The following C10orf90 variants were observed in gnomAD, a reference collection of about 807,000 sequenced individuals.
C10orf90 encodes (E2-independent) E3 ubiquitin-conjugating enzyme FATS.
C10orf90 carries 56 observed loss-of-function variants against 62.5 expected under a neutral mutation model. That is an observed-to-expected ratio of 0.90 (90% CI 0.72 to 1.12). The LOEUF (loss-of-function observed/expected upper bound fraction) is 1.12. Ranked by LOEUF, C10orf90 falls within the 50% of genes most tolerant of loss-of-function variation. The pLI, the probability that C10orf90 is intolerant of heterozygous loss-of-function variation, is 0.00. For missense variants in C10orf90, 970 were observed against 880.4 expected (o/e 1.10, Z -1.29); for synonymous variants, 386 against 340.4 (o/e 1.13, Z -1.47).
chr10:126,488,609 G>C (rs747729267), intron 4 of C10orf90, among the ~76,000 whole-genome samples: 3 of 152,136 alleles, frequency 2.0e-5, no homozygotes, highest in East Asian at 3.9e-4. Context: ...GGACAAACCT[G>C]TAGCTGGACT....
rs1204134327 is a variant in C10orf90 at position 126,670,599 on chromosome 10, C to T, written c.-119G>A. 5.5e-6 allele frequency: 2 copies of T among 366,576 alleles called. No homozygotes were observed. The highest frequency in any genetic ancestry group is 1.1e-5 in the Non-Finnish European group (2 of 187,014). 22.7% of individuals were successfully genotyped at this position (366,576 alleles called of 1,614,324 possible). ...GCAGTGCCCCAGCTCGGACCTGTCC[C>T]AGTGTTTTCCAACTCCAGAGCTAGT... On this transcript the variant is annotated 5_prime_UTR_variant, in exon 1 of 10. Coordinates refer to ENST00000488181, the MANE Select transcript of C10orf90 (RefSeq NM_001350921.2).
At chr10:126,520,929 A>T (rs756280021) in intron 2 of C10orf90, 5 of 174,122 alleles carry the variant, frequency 2.9e-5, no homozygotes, top group Non-Finnish European at 6.0e-5. Context: ...ACCCTACTCC[A>T]GTGTGACCTC....
chr10:126,538,325 T>C (rs149158310), intron 2 of C10orf90, among the ~76,000 whole-genome samples: 1 of 152,118 alleles, frequency 6.6e-6, no homozygotes, highest in Non-Finnish European at 1.5e-5. Context: ...CAATTCAAGA[T>C]GAGATTTGGG....
intron 4 of C10orf90, among the ~76,000 whole-genome samples, chr10:126,480,328 G>C (rs1861103908): frequency 6.6e-6 from 1 of 152,220 alleles, no homozygotes; most frequent in South Asian, 2.1e-4. Flanking sequence ...ATAAAGCTCT[G>C]TTCTGCTTTG....
intron 2 of C10orf90, among the ~76,000 whole-genome samples, chr10:126,537,800 G>C (rs1420365521): frequency 6.6e-6 from 1 of 152,148 alleles, no homozygotes; most frequent in Non-Finnish European, 1.5e-5. Flanking sequence ...GGGTTGAATT[G>C]CATCCCCTCA....
intron 2 of C10orf90, among the ~76,000 whole-genome samples, chr10:126,557,476 T>C (rs1346097336): frequency 3.1e-4 from 13 of 42,498 alleles, no homozygotes; most frequent in Admixed American, 2.6e-3. Context: ...CGAGACTCCA[T>C]CTCAAAAAAA....
chr10:126,572,296 A>G (rs184953584), intron 2 of C10orf90, among the ~76,000 whole-genome samples: 17 of 152,294 alleles, frequency 1.1e-4, no homozygotes, highest in Admixed American at 9.8e-4. Flanking sequence ...GTCCTGATCC[A>G]GATCCCAAGA....
rs571804828 is a variant in C10orf90 at position 126,553,876 on chromosome 10, T to A, written c.314-39937A>T. On this transcript the variant is annotated intron_variant, in intron 2 of 9. Transcript: ENST00000488181. ...TGACAATATCAAGTTTTAGAAAGGA[T>A]GTAGAAAAACCGCAACGCCCATACA... 2.0e-4 allele frequency among the ~76,000 whole-genome samples: 30 copies of A among 152,186 alleles called. No individual in the cohort carries two copies. The South Asian group carries it at 5.8e-3, about 29-fold the overall frequency.
At chr10:126,603,700 A>T (rs1845247056) in intron 2 of C10orf90, among the ~76,000 whole-genome samples, 1 of 152,128 alleles carries the variant, frequency 6.6e-6, no homozygotes, top group Admixed American at 6.5e-5. Flanking sequence ...GATAATTCAT[A>T]TAAGGTGCTG....
At chr10:126,522,902 C>A (rs956273171) in intron 2 of C10orf90, 3 of 152,144 alleles carry the variant, frequency 2.0e-5, no homozygotes, top group African/African-American at 7.2e-5. Flanking sequence ...AACCTCCTGG[C>A]CTCTGTTTGT....
At chr10:126,584,062 G>A (rs2134019122) in intron 2 of C10orf90, among the ~76,000 whole-genome samples, 1 of 152,302 alleles carries the variant, frequency 6.6e-6, no homozygotes, top group African/African-American at 2.4e-5. Context: ...CAGGGCTGCA[G>A]TGAGCTGTGA....
chr10:126,592,540 A>T (rs1408910735), intron 2 of C10orf90, among the ~76,000 whole-genome samples: 3 of 152,196 alleles, frequency 2.0e-5, no homozygotes, highest in Non-Finnish European at 4.4e-5. Flanking sequence ...ACAAAAATTA[A>T]CTCAAGTTGG....
chr10:126,454,134 G>T (rs1859380174), intron 7 of C10orf90, among the ~76,000 whole-genome samples: 1 of 152,030 alleles, frequency 6.6e-6, no homozygotes, highest in African/African-American at 2.4e-5. Context: ...CCTGCAATCT[G>T]CAGATGTGGC....
chr10:126,493,588 C>T (rs116506661), intron 4 of C10orf90, among the ~76,000 whole-genome samples: 2,544 of 97,962 alleles, frequency 0.026, 69 homozygotes, highest in African/African-American at 0.12. Context: ...AACTTCTGAC[C>T]GCAGGTGATC....
At chr10:126,643,099 A>C (rs1245880522) in intron 2 of C10orf90, among the ~76,000 whole-genome samples, 1 of 152,240 alleles carries the variant, frequency 6.6e-6, no homozygotes, top group Non-Finnish European at 1.5e-5. Flanking sequence ...TGGATCAGAT[A>C]GTGTATTCCA....
At chr10:126,442,291 G>A (rs1260225789) in intron 7 of C10orf90, among the ~76,000 whole-genome samples, 2 of 150,732 alleles carry the variant, frequency 1.3e-5, no homozygotes, top group African/African-American at 2.4e-5. Flanking sequence ...TAAAGCAACA[G>A]CAGTTAAAAA....
chr10:126,576,755 G>GT (rs1844633085), intron 2 of C10orf90, among the ~76,000 whole-genome samples: 2 of 61,150 alleles, frequency 3.3e-5, no homozygotes, highest in Admixed American at 1.6e-4. Context: ...TATACATATA[G>GT]ATAATATGTA....
chr10:126,626,439 C>G (rs1009565115), intron 2 of C10orf90, among the ~76,000 whole-genome samples: 2 of 152,106 alleles, frequency 1.3e-5, no homozygotes, highest in African/African-American at 4.8e-5. Context: ...ACAGAAACTT[C>G]TATTAAGCTC....
At chr10:126,537,278 A>C (rs1488975721) in intron 2 of C10orf90, among the ~76,000 whole-genome samples, 1 of 152,220 alleles carries the variant, frequency 6.6e-6, no homozygotes, top group East Asian at 1.9e-4. Context: ...TTCTGCAAAA[A>C]GAAGCTTTAA....
Sources: allele counts gnomAD v4.1 joint callset (sites outside exome capture counted in the v4.1 genomes callset), GRCh38; gene constraint gnomAD v4.1.1; transcripts MANE v1.5; gene names NCBI Gene and HGNC (gene_info 2026-07-23, HGNC 2026-07-21).